The following RFTN1 variants were observed in gnomAD, a reference collection of about 807,000 sequenced individuals.
RFTN1 encodes the protein raftlin, lipid raft linker 1, also known as raftlin.
RFTN1 carries 26 observed loss-of-function variants against 46.5 expected under a neutral mutation model. The observed-to-expected ratio is 0.56, with a 90% CI of 0.41 to 0.78. The LOEUF is 0.78. Ranked by LOEUF, RFTN1 falls within the 30% of genes least tolerant of loss-of-function variation. The probability of loss-of-function intolerance (pLI) is 0.00; values close to 1 mark genes in which losing one functional copy is unlikely to be tolerated. For missense variants in RFTN1, 693 were observed against 718.7 expected (o/e 0.96, Z 0.41); for synonymous variants, 261 against 284.2 (o/e 0.92, Z 0.82).
chr3:16,365,244 C>G (rs796568892), intron 6 of RFTN1, among the ~76,000 whole-genome samples: 1 of 145,544 alleles, frequency 6.9e-6, no homozygotes, highest in Non-Finnish European at 1.5e-5. Context: ...ACCAGTCCCA[C>G]CCTAAAACCT....
intron 2 of RFTN1, among the ~76,000 whole-genome samples, chr3:16,445,483 T>TCACACACA (rs10681518): frequency 0.062 from 7,909 of 126,750 alleles, 336 homozygotes; most frequent in Middle Eastern, 0.093. Flanking sequence ...TCTCTCTCTC[T>TCACACACA]CACACACACA....
At chr3:16,390,498 G>A (rs2074318601) in intron 4 of RFTN1, among the ~76,000 whole-genome samples, 1 of 152,164 alleles carries the variant, frequency 6.6e-6, no homozygotes, top group Non-Finnish European at 1.5e-5. Context: ...CACTGCCCCT[G>A]CAGCTTAGCT....
chr3:16,415,190 T>A (rs2075050387), intron 3 of RFTN1, among the ~76,000 whole-genome samples: 1 of 151,880 alleles, frequency 6.6e-6, no homozygotes, highest in Admixed American at 6.6e-5. Flanking sequence ...GATTTTCATA[T>A]GAACAGGTTG....
intron 7 of RFTN1, among the ~76,000 whole-genome samples, chr3:16,340,132 C>T (rs180810822): frequency 2.0e-5 from 3 of 152,130 alleles, no homozygotes; most frequent in African/African-American, 4.8e-5. Flanking sequence ...TGTTTCTTCC[C>T]TGTTTCTGTT....
intron 4 of RFTN1, among the ~76,000 whole-genome samples, chr3:16,405,258 T>C (rs2074824252): frequency 6.6e-6 from 1 of 152,112 alleles, no homozygotes; most frequent in African/African-American, 2.4e-5. Context: ...GCACCATCAC[T>C]CTCTCACAGC....
intron 7 of RFTN1, among the ~76,000 whole-genome samples, chr3:16,357,650 C>G (rs1257770017): frequency 6.6e-6 from 1 of 152,142 alleles, no homozygotes. Flanking sequence ...TTAGAGTTGT[C>G]AGTTATATGC....
chr3:16,320,199 G>A lies in RFTN1; in HGVS notation c.1333-2967C>T, dbSNP rs138789594. On this transcript the variant is annotated intron_variant, in intron 9 of 9. Coordinates refer to ENST00000334133, the MANE Select transcript of RFTN1 (RefSeq NM_015150.2). This position sits in a 1 kb window ranked among gnomAD's most constrained non-coding sequence, Gnocchi z 4.5. ...AGTTTAGCTGGAAGGAAGTCTTCCC[G>A]AGTTGTAGAAATCACCTACTCCCTT... Among the ~76,000 whole-genome samples, 12 of 152,214 alleles carry A rather than the reference G, an allele frequency of 7.9e-5. No individual in the cohort carries two copies. The highest frequency in any genetic ancestry group is 1.3e-4 in the Non-Finnish European group (9 of 68,034).
intron 1 of RFTN1, among the ~76,000 whole-genome samples, chr3:16,510,887 C>T (rs556199262): frequency 6.6e-6 from 1 of 152,232 alleles, no homozygotes; most frequent in East Asian, 1.9e-4. Context: ...AAGAAAGAAA[C>T]TAAAATAATC....
chr3:16,420,626 A>G (rs983087650), intron 3 of RFTN1, among the ~76,000 whole-genome samples: 1 of 152,206 alleles, frequency 6.6e-6, no homozygotes, highest in Non-Finnish European at 1.5e-5. Context: ...GGTGATAGAA[A>G]TGTTCTATAT....
rs759323148 is a variant in RFTN1 at position 16,400,639 on chromosome 3, C to T, written c.441+8736G>A. ...TCCCGCAGAGGGAGAAAATGAAGCA[C>T]AAGAAAGTATCTCCTTTTTTGGGGA... is the stretch of plus-strand genomic sequence containing the variant. On this transcript the variant is annotated intron_variant, in intron 4 of 9. Coordinates refer to ENST00000334133, the MANE Select transcript of RFTN1 (RefSeq NM_015150.2). This position sits in a 1 kb window ranked among gnomAD's most constrained non-coding sequence, Gnocchi z 4.5. Among the ~76,000 whole-genome samples, 7 of 152,178 alleles carry T rather than the reference C, an allele frequency of 4.6e-5. No homozygotes were observed. Among genetic ancestry groups the T allele is most frequent in the Non-Finnish European group, 1.0e-4 (7 of 68,028 alleles).
chr3:16,365,460 T>C (rs1438539848), intron 6 of RFTN1, among the ~76,000 whole-genome samples: 8 of 152,358 alleles, frequency 5.3e-5, no homozygotes, highest in South Asian at 2.1e-4. Context: ...ATATATTTTA[T>C]TTAAAACATG....
At chr3:16,412,534 A>AGGTGGGGAGTGAGGTGGT (rs1191977059) in intron 3 of RFTN1, among the ~76,000 whole-genome samples, 1 of 152,212 alleles carries the variant, frequency 6.6e-6, no homozygotes, top group Non-Finnish European at 1.5e-5. Flanking sequence ...TCAGCACTGG[A>AGGTGGGGAGTGAGGTGGT]GGTGGGGAGT....
rs754652628 is a variant in RFTN1 at position 16,317,223 on chromosome 3, G to A, written c.1342C>T (p.Arg448Ter). Reference sequence around the variant, plus strand: ...TTGTGCATTTCTTCTCTGGAGAATCGCCACTGAAACTAGAAATCAGAAAGG... The same window carrying A: ...TTGTGCATTTCTTCTCTGGAGAATCACCACTGAAACTAGAAATCAGAAAGG... ...IKKKESKFQW[R>*]FSREEMHNRQ... Residue 448 changes from arginine to a stop codon, truncating the protein, a stop_gained, in exon 10 of 10, where the codon CGA (arginine) becomes TGA (stop). Coordinates refer to ENST00000334133, the MANE Select transcript of RFTN1 (RefSeq NM_015150.2). LOFTEE classifies it low-confidence loss of function (END_TRUNC). This position sits in a 1 kb window ranked among gnomAD's most constrained non-coding sequence, Gnocchi z 4.3. 10 of 1,611,888 alleles carry A rather than the reference G, an allele frequency of 6.2e-6. No homozygotes were observed. Among genetic ancestry groups the A allele is most frequent in the Admixed American group, 1.7e-5 (1 of 59,894 alleles).
rs2074021346 is a variant in RFTN1 at position 16,382,366 on chromosome 3, A to G, written c.442-4264T>C. Among the ~76,000 whole-genome samples the G allele has an allele frequency of 6.6e-6, 1 of 152,208 alleles. No homozygotes were observed. The highest frequency in any genetic ancestry group is 2.1e-4 in the South Asian group (1 of 4,832). ...ACACTTTCCTCTTTTTCAGAAAGTC[A>G]TTTGACCGTGTACTTATGGCTAAAG... On this transcript the variant is annotated intron_variant, in intron 4 of 9. Transcript: ENST00000334133. This position sits in a 1 kb window ranked among gnomAD's most constrained non-coding sequence, Gnocchi z 4.7.
rs2072982695 is a variant in RFTN1 at position 16,363,842 on chromosome 3, CCAGGATTCTTGGCACCACCTTG to C, written c.1031-5817_1031-5796del. Among the ~76,000 whole-genome samples, 4 of 44,412 alleles carry C rather than the reference CCAGGATTCTTGGCACCACCTTG, an allele frequency of 9.0e-5. No individual in the cohort carries two copies. The South Asian group carries it at 2.1e-3, about 23-fold the overall frequency. 29.1% of individuals were successfully genotyped at this position (44,412 alleles called of 152,430 possible). ...GAGGTCGCACAGCACCACCTTGATT[CCAGGATTCTTGGCACCACCTTG>C]ATTCCAGGATTAGCAATCGCCAACT... On this transcript the variant is annotated intron_variant, in intron 6 of 9. Transcript: ENST00000334133.
In RFTN1 at chr3:16,400,621, G is replaced by A. The variant is rs1418084564; in HGVS notation, c.441+8754C>T. Among the ~76,000 whole-genome samples, 3 of 152,204 alleles carry A rather than the reference G, an allele frequency of 2.0e-5. No individual in the cohort carries two copies. Among genetic ancestry groups the A allele is most frequent in the Admixed American group, 6.5e-5 (1 of 15,280 alleles). ...TGATGCTGGACAGTAGATTCCCGCAGAGGGAGAAAATGAAGCACAAGAAAG... is the reference window on the plus strand; with the variant it reads ...TGATGCTGGACAGTAGATTCCCGCAAAGGGAGAAAATGAAGCACAAGAAAG... On this transcript the variant is annotated intron_variant, in intron 4 of 9. Transcript: ENST00000334133. The surrounding 1 kb of genome is among the most constrained non-coding windows in gnomAD (Gnocchi z 4.5).
In RFTN1 at chr3:16,374,042, A is replaced by C. The variant is rs2125368843; in HGVS notation, c.826+3676T>G. On this transcript the variant is annotated intron_variant, in intron 5 of 9. Transcript: ENST00000334133. This position sits in a 1 kb window ranked among gnomAD's most constrained non-coding sequence, Gnocchi z 5.4. ...AAGTGCAGGGACCGCTGCTGCGTGCACAACAATCCACAGGACTCCACCTGC... is the reference window on the plus strand; with the variant it reads ...AAGTGCAGGGACCGCTGCTGCGTGCCCAACAATCCACAGGACTCCACCTGC... Among the ~76,000 whole-genome samples, 1 of 152,342 alleles carries C rather than the reference A, an allele frequency of 6.6e-6. No homozygotes were observed. The highest frequency in any genetic ancestry group is 1.5e-5 in the Non-Finnish European group (1 of 68,030).
At position 16,464,939 on chromosome 3, in the gene RFTN1, G is replaced by C. The variant is rs374192438; in HGVS notation, c.145+28786C>G. Among the ~76,000 whole-genome samples, 10 of 152,306 alleles carry C rather than the reference G, an allele frequency of 6.6e-5. No individual in the cohort carries two copies. The South Asian group carries it at 1.2e-3, about 19-fold the overall frequency. On this transcript the variant is annotated intron_variant, in intron 2 of 9. Transcript: ENST00000334133. Reference sequence around the variant, plus strand: ...TAACTTTGGAGAGAAGATTGCATGTGCGGTTCCCTGATTCTTATTCCAGCC... The same window carrying C: ...TAACTTTGGAGAGAAGATTGCATGTCCGGTTCCCTGATTCTTATTCCAGCC...
chr3:16,427,639 C>T lies in RFTN1; in HGVS notation c.332+6212G>A, dbSNP rs901639743. On this transcript the variant is annotated intron_variant, in intron 3 of 9. Transcript: ENST00000334133. The surrounding 1 kb of genome is among the most constrained non-coding windows in gnomAD (Gnocchi z 5.4). ...GCTCACCGTAACTCTCAACAACCCA[C>T]TGCATCTCTTCTAAGAATCACTGGA... Among the ~76,000 whole-genome samples, 9 of 152,208 alleles carry T rather than the reference C, an allele frequency of 5.9e-5. No individual in the cohort carries two copies. Among genetic ancestry groups the T allele is most frequent in the African/African-American group, 2.2e-4 (9 of 41,450 alleles).
Sources: gnomAD v4.1 joint callset for allele counts (sites outside exome capture counted in the v4.1 genomes callset) on GRCh38, gnomAD v4.1.1 for gene constraint, Gnocchi (gnomAD v3.1) non-coding constraint, MANE v1.5 for transcripts, NCBI Gene and HGNC (gene_info 2026-07-23, HGNC 2026-07-21) for gene names.